Variants in AKAP6 observed in about 807,000 individuals in gnomAD.
AKAP6 encodes A-kinase anchor protein 6.
AKAP6 carries 58 observed loss-of-function variants against 188.5 expected under a neutral mutation model. The ratio of observed to expected loss-of-function variants is 0.31; its 90% CI spans 0.25 to 0.38. The LOEUF is 0.38. AKAP6 is among the 10% of genes least tolerant of loss of function. The pLI, the probability that AKAP6 is intolerant of heterozygous loss-of-function variation, is 1.00. For missense variants in AKAP6, 2,710 were observed against 2,740.0 expected, an observed-to-expected ratio of 0.99 and a Z score of 0.24; for synonymous variants, 989 against 998.6, an observed-to-expected ratio of 0.99 and a Z score of 0.18.
intron 2 of AKAP6, among the ~76,000 whole-genome samples, chr14:32,442,170 C>T (rs942703051): frequency 1.6e-4 from 25 of 152,246 alleles, no homozygotes; most frequent in Non-Finnish European, 2.1e-4. Context: ...CTCACAATCA[C>T]CCTCTGTTAG....
intron 12 of AKAP6, among the ~76,000 whole-genome samples, chr14:32,814,135 C>T: frequency 6.6e-6 from 1 of 152,166 alleles, no homozygotes; most frequent in East Asian, 1.9e-4. Context: ...TCTAGCACAT[C>T]CTGTACTTGT....
intron 11 of AKAP6, among the ~76,000 whole-genome samples, chr14:32,739,869 C>A (rs1194823016): frequency 6.6e-6 from 1 of 152,020 alleles, no homozygotes; most frequent in East Asian, 1.9e-4. Context: ...TACTGATTTC[C>A]TTTCTTTTGG....
intron 11 of AKAP6, among the ~76,000 whole-genome samples, chr14:32,740,945 G>T (rs114756555): frequency 0.13 from 20,264 of 151,206 alleles, 1,531 homozygotes; most frequent in Middle Eastern, 0.22. Context: ...TTTGTAGATT[G>T]CTTTGGATAG....
Position 32,745,380 on chromosome 14 carries a change from A to G in AKAP6, c.3372+9498A>G, listed in dbSNP as rs1594903523. ...AGGTACTGGCTTGATGGTCTTGGAC[A>G]ACGTCTAGGATAATTTCTGGATTGC... On this transcript the variant is annotated intron_variant, in intron 11 of 13. Transcript: ENST00000280979. Among the ~76,000 whole-genome samples the G allele has an allele frequency of 2.2e-5, 3 of 134,732 alleles. No individual in the cohort carries two copies. In the South Asian group the frequency reaches 6.6e-4, roughly 30 times the overall value. 88.4% of individuals were successfully genotyped at this position (134,732 alleles called of 152,430 possible). A position where few individuals can be genotyped will look rare whatever the true frequency, so the allele number is the denominator to read the frequency against.
chr14:32,453,659 C>T (rs1409369623), intron 2 of AKAP6, among the ~76,000 whole-genome samples: 2 of 131,248 alleles, frequency 1.5e-5, no homozygotes, highest in Admixed American at 9.3e-5. Flanking sequence ...TGCAGTGGCG[C>T]GATCTCCGCT....
chr14:32,369,525 A>G (rs1045264763), intron 1 of AKAP6, among the ~76,000 whole-genome samples: 3 of 152,334 alleles, frequency 2.0e-5, no homozygotes, highest in Admixed American at 1.3e-4. Flanking sequence ...GCCTGACACA[A>G]CTTATTCACA....
At chr14:32,487,606 T>G (rs1287280204) in intron 2 of AKAP6, among the ~76,000 whole-genome samples, 1 of 152,230 alleles carries the variant, frequency 6.6e-6, no homozygotes, top group Non-Finnish European at 1.5e-5. Flanking sequence ...TTGTGATCCT[T>G]TGGAGGAGAG....
intron 1 of AKAP6, among the ~76,000 whole-genome samples, chr14:32,389,333 T>C (rs1418856698): frequency 6.6e-6 from 1 of 152,206 alleles, no homozygotes; most frequent in Admixed American, 6.5e-5. Context: ...ATTTAGGCCA[T>C]TTACATTCAA....
At chr14:32,406,976 G>C (rs182735636) in intron 1 of AKAP6, among the ~76,000 whole-genome samples, 1 of 152,098 alleles carries the variant, frequency 6.6e-6, no homozygotes, top group Non-Finnish European at 1.5e-5. Context: ...TCTTTTTGCC[G>C]TAAGACTGCT....
At chr14:32,454,156 C>A (rs1891040873) in intron 2 of AKAP6, among the ~76,000 whole-genome samples, 1 of 152,224 alleles carries the variant, frequency 6.6e-6, no homozygotes, top group South Asian at 2.1e-4. Flanking sequence ...ACTGTCTGAA[C>A]ATGTCTCAAA....
chr14:32,509,147 G>A lies in AKAP6; in HGVS notation c.325-26407G>A, dbSNP rs537121962. 5.3e-5 allele frequency among the ~76,000 whole-genome samples: 3 copies of A among 56,634 alleles called. No individual in the cohort carries two copies. The South Asian group carries it at 1.3e-3, about 24-fold the overall frequency. The allele number at this position is 56,634 out of a possible 152,430, so 37.2% of individuals were successfully genotyped here. On this transcript the variant is annotated intron_variant, in intron 2 of 13. Coordinates refer to ENST00000280979, the MANE Select transcript of AKAP6 (RefSeq NM_004274.5). Reference sequence around the variant, plus strand: ...TTTTTTTTTTTTTTTTTTTTTTTGAGAGAGTCTTGCTCTGTCTCCAAGGCT... The same window carrying A: ...TTTTTTTTTTTTTTTTTTTTTTTGAAAGAGTCTTGCTCTGTCTCCAAGGCT...
In AKAP6 at chr14:32,545,846, A is replaced by C. The variant is rs1229874301; in HGVS notation, c.1193A>C (p.Glu398Ala). ...TLPKRGLFLK[E>A]ETFKNDLKGN... is the part of the protein sequence containing the mutation. ...CCAAAAAGAGGACTTTTTCTTAAAG[A>C]GGAAACTTTTAAGAATGATCTGAAA... Residue 398 changes from glutamate to alanine, a missense_variant, in exon 4 of 14, where the codon GAG becomes GCG. By Grantham distance (107) the Glu-to-Ala change is moderately radical (BLOSUM62 -1). Transcript: ENST00000280979. 2 of 1,614,226 alleles carry C rather than the reference A, an allele frequency of 1.2e-6. No homozygotes were observed.
chr14:32,744,255 G>A (rs1334555022), intron 11 of AKAP6, among the ~76,000 whole-genome samples: 1 of 151,592 alleles, frequency 6.6e-6, no homozygotes, highest in Non-Finnish European at 1.5e-5. Context: ...CCTTGAGGTA[G>A]CCTTCTTTGG....
chr14:32,569,361 C>A (rs917904315), intron 4 of AKAP6, among the ~76,000 whole-genome samples: 1 of 152,132 alleles, frequency 6.6e-6, no homozygotes, highest in South Asian at 2.1e-4. Context: ...TGACTGAAAC[C>A]ATTTTATTTT....
At chr14:32,681,345 G>A (rs12883773) in intron 8 of AKAP6, among the ~76,000 whole-genome samples, 38,879 of 151,864 alleles carry the variant, frequency 0.26, 6,416 homozygotes, top group East Asian at 0.58. Flanking sequence ...TCTTCAGTCT[G>A]TGTAAAGGAG....
chr14:32,763,956 C>G (rs1284057108), intron 11 of AKAP6, among the ~76,000 whole-genome samples: 1 of 152,136 alleles, frequency 6.6e-6, no homozygotes, highest in Non-Finnish European at 1.5e-5. Flanking sequence ...TTCCAAGATA[C>G]AAATTCTTAT....
At chr14:32,576,895 A>G (rs958420923) in intron 4 of AKAP6, among the ~76,000 whole-genome samples, 21 of 152,132 alleles carry the variant, frequency 1.4e-4, no homozygotes, top group African/African-American at 4.6e-4. Flanking sequence ...TTCTAGAGAA[A>G]AACTGAGAGG....
At chr14:32,330,063 A>G (rs572189981) in intron 1 of AKAP6, among the ~76,000 whole-genome samples, 130 of 152,214 alleles carry the variant, frequency 8.5e-4, no homozygotes, top group Non-Finnish European at 1.6e-3. Context: ...ATATTTTTCC[A>G]TCTCTAGCTA....
intron 1 of AKAP6, among the ~76,000 whole-genome samples, chr14:32,405,029 G>C (rs1889241705): frequency 6.6e-6 from 1 of 151,720 alleles, no homozygotes; most frequent in African/African-American, 2.4e-5. Context: ...CTAAGTCAAA[G>C]TATGTTGGCA....
Sources: allele counts gnomAD v4.1 joint callset (sites outside exome capture counted in the v4.1 genomes callset), GRCh38; gene constraint gnomAD v4.1.1; transcripts MANE v1.5; gene names NCBI Gene and HGNC (gene_info 2026-07-23, HGNC 2026-07-21).